The following EVC2 variants were observed in gnomAD, a reference collection of about 807,000 sequenced individuals.
EVC2 encodes the protein EvC ciliary complex subunit 2, also known as limbin.
A neutral mutation model predicts 149.3 loss-of-function variants in EVC2; 148 were observed. The observed-to-expected ratio is 0.99, with a 90% confidence interval of 0.87 to 1.14. EVC2 has a LOEUF of 1.14. Among genes scored for constraint, EVC2 ranks in the 50% most tolerant of loss-of-function variants. EVC2 has a pLI of 0.00. For synonymous variants in EVC2, 776 were observed against 649.9 expected (o/e 1.19, Z -2.95); for missense variants, 1,854 against 1,627.3 (o/e 1.14, Z -2.40).
intron 16 of EVC2, 133 bp from the exon 17 acceptor site, chr4:5,584,983 T>C: frequency 4.2e-6 from 4 of 952,858 alleles, no homozygotes; most frequent in South Asian, 4.2e-5. Flanking sequence ...GGAGACGCAC[T>C]GGGAACCTGC....
chr4:5,562,604 G>C lies in EVC2; in HGVS notation c.*244C>G. 2.9e-6 allele frequency: 4 copies of C among 1,390,068 alleles called. No individual in the cohort carries two copies. Among genetic ancestry groups the C allele is most frequent in the Non-Finnish European group, 3.7e-6 (4 of 1,072,466 alleles). 86.1% of individuals were successfully genotyped at this position (1,390,068 alleles called of 1,614,324 possible). On this transcript the variant is annotated 3_prime_UTR_variant, in exon 22 of 22. Transcript: ENST00000344408. The surrounding 1 kb of genome is among the most constrained non-coding windows in gnomAD (Gnocchi z 4.3). Reference sequence around the variant, plus strand: ...GGGTGGGGGTCTCCTCCAGGGCCCTGGGGAGGTGGGGCTGAAAGAAGGAGT... The same window carrying C: ...GGGTGGGGGTCTCCTCCAGGGCCCTCGGGAGGTGGGGCTGAAAGAAGGAGT...
chr4:5,553,218 T>C (rs976223880), intron 21 of EVC2, among the ~76,000 whole-genome samples: 1 of 152,128 alleles, frequency 6.6e-6, no homozygotes, highest in Non-Finnish European at 1.5e-5. Context: ...ATGTCTCACA[T>C]GCCAGGAGCA....
At chr4:5,551,916 T>G (rs1191968458) in intron 21 of EVC2, among the ~76,000 whole-genome samples, 1 of 152,184 alleles carries the variant, frequency 6.6e-6, no homozygotes, top group African/African-American at 2.4e-5. Flanking sequence ...AAGATGTGAC[T>G]TGCTCCTCTT....
At position 5,657,429 on chromosome 4, in the gene EVC2, C is replaced by A. The variant is rs1375438588; in HGVS notation, c.1145+5678G>T. ...AAACAGAATCTCCCTGCAAGAGTGT[C>A]CCAGCCACAGGACATCCTTGGAGGA... is the stretch of plus-strand genomic sequence containing the variant. On this transcript the variant is annotated intron_variant, in intron 9 of 21. Coordinates refer to ENST00000344408, the MANE Select transcript of EVC2 (RefSeq NM_147127.5). This position sits in a 1 kb window ranked among gnomAD's most constrained non-coding sequence, Gnocchi z 4.7. 6.6e-6 allele frequency among the ~76,000 whole-genome samples: 1 copy of A among 152,080 alleles called. No individual in the cohort carries two copies. Among genetic ancestry groups the A allele is most frequent in the African/African-American group, 2.4e-5 (1 of 41,432 alleles).
chr4:5,673,579 T>G (rs543273479), intron 7 of EVC2, among the ~76,000 whole-genome samples: 1 of 152,272 alleles, frequency 6.6e-6, no homozygotes, highest in African/African-American at 2.4e-5. Flanking sequence ...CCCAGAGTCC[T>G]CCTCACTTTC....
intron 16 of EVC2, among the ~76,000 whole-genome samples, chr4:5,604,186 A>G (rs954920696): frequency 6.6e-6 from 1 of 152,226 alleles, no homozygotes; most frequent in African/African-American, 2.4e-5. Context: ...AAAACAACCT[A>G]AATATCCAGT....
chr4:5,599,590 AGG>A (rs1713796369), intron 16 of EVC2, among the ~76,000 whole-genome samples: 1 of 151,972 alleles, frequency 6.6e-6, no homozygotes, highest in Admixed American at 6.6e-5. Context: ...CAGAGGGGGG[AGG>A]GATAGCTTTA....
rs1432813621 is a variant in EVC2 at position 5,706,335 on chromosome 4, TAGATACATAGATAGATAGAC to T, written c.228+1931_228+1950del. ...ATAGATAGATACATAGATAGATAGA[TAGATACATAGATAGATAGAC>T]ACATAGATAGATACATAGATAGATA... On this transcript the variant is annotated intron_variant, in intron 1 of 21. Coordinates refer to ENST00000344408, the MANE Select transcript of EVC2 (RefSeq NM_147127.5). 6.3e-5 allele frequency among the ~76,000 whole-genome samples: 9 copies of T among 143,028 alleles called. 1 individual carries two copies. The highest frequency in any genetic ancestry group is 2.2e-4 in the South Asian group (1 of 4,496). 93.8% of individuals were successfully genotyped at this position (143,028 alleles called of 152,430 possible).
chr4:5,573,134 C>G (rs1722730591), intron 19 of EVC2, among the ~76,000 whole-genome samples: 1 of 152,198 alleles, frequency 6.6e-6, no homozygotes, highest in Admixed American at 6.5e-5. Context: ...CCAGTGCTAA[C>G]ACTGGCACCT....
chr4:5,533,022 G>C, the EVC2 span, among the ~76,000 whole-genome samples: 2 of 150,692 alleles, frequency 1.3e-5, no homozygotes, highest in African/African-American at 2.5e-5. Flanking sequence ...TGCCCACCAT[G>C]TGCCTGCATC....
At position 5,562,972 on chromosome 4, in the gene EVC2, G is replaced by A. The variant is rs756510211; in HGVS notation, c.3803C>T (p.Thr1268Ile). Reference protein sequence around the residue: ...VGAETIDLLNTGEKLFIFRNP... With the variant: ...VGAETIDLLNIGEKLFIFRNP... ...TCTGAATATAAAGAGCTTCTCTCCT[G>A]TGTTTAATAGATCAATGGTTTCTGC... The change falls in exon 22 of 22, where the codon ACA (threonine) becomes ATA (isoleucine). Residue 1268 changes from threonine (T) to isoleucine (I), a missense_variant. Transcript: ENST00000344408. The surrounding 1 kb of genome is among the most constrained non-coding windows in gnomAD (Gnocchi z 4.3). The A allele has an allele frequency of 6.3e-5, 101 of 1,614,064 alleles. No homozygotes were observed. Among genetic ancestry groups the A allele is most frequent in the Non-Finnish European group, 8.6e-5 (101 of 1,180,046 alleles).
intron 1 of EVC2, among the ~76,000 whole-genome samples, chr4:5,700,990 A>G (rs1328986664): frequency 6.6e-6 from 1 of 152,244 alleles, no homozygotes; most frequent in Non-Finnish European, 1.5e-5. Flanking sequence ...TAGAAGTCAG[A>G]AGTCTGACAC....
intron 15 of EVC2, among the ~76,000 whole-genome samples, chr4:5,616,940 C>G (rs1423687811): frequency 6.6e-6 from 1 of 152,196 alleles, no homozygotes; most frequent in Non-Finnish European, 1.5e-5. Flanking sequence ...GGCAGGGGAA[C>G]CAGCGGCTTA....
intron 16 of EVC2, among the ~76,000 whole-genome samples, chr4:5,588,749 A>G (rs997994775): frequency 1.3e-5 from 2 of 152,228 alleles, no homozygotes; most frequent in African/African-American, 4.8e-5. Flanking sequence ...ACATATAGAT[A>G]TATCTTTTTA....
intron 18 of EVC2, among the ~76,000 whole-genome samples, chr4:5,575,416 C>G (rs1722864840): frequency 6.6e-6 from 1 of 152,176 alleles, no homozygotes; most frequent in South Asian, 2.1e-4. Context: ...GCATTTCCCT[C>G]CAACCACGCA....
chr4:5,681,582 G>A (rs943931609), intron 6 of EVC2, among the ~76,000 whole-genome samples: 4 of 152,190 alleles, frequency 2.6e-5, no homozygotes, highest in East Asian at 1.9e-4. Flanking sequence ...GTGGAGAAAC[G>A]CTTGGGGTTG....
At chr4:5,551,180 C>T (rs1721730213) in intron 21 of EVC2, among the ~76,000 whole-genome samples, 1 of 152,142 alleles carries the variant, frequency 6.6e-6, no homozygotes, top group Admixed American at 6.5e-5. Flanking sequence ...TACTCCAGAC[C>T]CCAGAATGGT....
chr4:5,568,393 CCCT>C, intron 20 of EVC2, 48 bp downstream of exon 20: 2 of 1,525,472 alleles, frequency 1.3e-6, no homozygotes, highest in Non-Finnish European at 1.8e-6. Flanking sequence ...CTCATGGGGA[CCCT>C]TGTGGACAGG....
intron 5 of EVC2, among the ~76,000 whole-genome samples, chr4:5,687,865 T>C (rs967709490): frequency 2.0e-5 from 3 of 152,086 alleles, no homozygotes; most frequent in Non-Finnish European, 2.9e-5. Flanking sequence ...TGGGTGACAT[T>C]GTCTCCTTGA....
Sources: allele counts gnomAD v4.1 joint callset (sites outside exome capture counted in the v4.1 genomes callset), GRCh38; gene constraint gnomAD v4.1.1; non-coding constraint Gnocchi (gnomAD v3.1); transcripts MANE v1.5; gene names NCBI Gene and HGNC (gene_info 2026-07-23, HGNC 2026-07-21).